DNAH6: variants seen among roughly 807,000 people sequenced by gnomAD.
The protein encoded by DNAH6 is dynein axonemal heavy chain 6, also known as axonemal beta dynein heavy chain 6.
A neutral mutation model predicts 491.4 loss-of-function variants in DNAH6; 340 were observed. The ratio of observed to expected loss-of-function variants is 0.69; its 90% CI spans 0.63 to 0.76. The LOEUF is 0.76. Among genes scored for constraint, DNAH6 ranks in the 30% least tolerant of loss-of-function variants. DNAH6 has a pLI of 0.00. For synonymous variants in DNAH6, 1,603 were observed against 1,686.1 expected, an observed-to-expected ratio of 0.95 and a Z score of 1.21; for missense variants, 4,443 against 4,972.2, an observed-to-expected ratio of 0.89 and a Z score of 3.20.
intron 12 of DNAH6, among the ~76,000 whole-genome samples, chr2:84,576,307 A>G (rs1336872168): frequency 3.9e-5 from 6 of 152,104 alleles, no homozygotes; most frequent in Non-Finnish European, 7.4e-5. Flanking sequence ...AAGGCCACAC[A>G]TGGGTTAAAG....
At chr2:84,818,269 C>T (rs1021421145) in intron 76 of DNAH6, among the ~76,000 whole-genome samples, 1 of 151,954 alleles carries the variant, frequency 6.6e-6, no homozygotes, top group Non-Finnish European at 1.5e-5. Flanking sequence ...AAGAATTATT[C>T]TTGCCATAAA....
chr2:84,718,939 G>T (rs10199591), intron 59 of DNAH6, among the ~76,000 whole-genome samples: 1 of 152,054 alleles, frequency 6.6e-6, no homozygotes, highest in South Asian at 2.1e-4. Flanking sequence ...CAACAAAAAC[G>T]TGTCGATAGT....
chr2:84,657,469 C>T (rs577187818), intron 35 of DNAH6, among the ~76,000 whole-genome samples: 7 of 151,956 alleles, frequency 4.6e-5, no homozygotes, highest in Non-Finnish European at 1.0e-4. Context: ...TGTGGTATTT[C>T]TCTCCATTTA....
intron 42 of DNAH6, 76 bp downstream of exon 42, chr2:84,681,604 T>G: frequency 7.5e-7 from 1 of 1,335,388 alleles, no homozygotes; most frequent in East Asian, 2.7e-5. Flanking sequence ...CTCAGTAACA[T>G]TGTATGTATG....
chr2:84,472,088 C>G, the DNAH6 span, among the ~76,000 whole-genome samples: 1 of 152,056 alleles, frequency 6.6e-6, no homozygotes, highest in Non-Finnish European at 1.5e-5. Flanking sequence ...TCCTTTTGTC[C>G]TGTCAGGTGT....
intron 33 of DNAH6, among the ~76,000 whole-genome samples, chr2:84,652,720 A>G (rs1690569060): frequency 1.3e-5 from 2 of 152,038 alleles, no homozygotes; most frequent in African/African-American, 4.8e-5. Context: ...TGTGTATATA[A>G]TGTGAGGTAA....
chr2:84,704,194 C>T lies in DNAH6; in HGVS notation c.8357C>T (p.Ala2786Val). ...CCTGCACTAGATGCTGCCAATAAAGCACTGGATTCCTTAGATAAGGCAGAT... is the reference window on the plus strand; with the variant it reads ...CCTGCACTAGATGCTGCCAATAAAGTACTGGATTCCTTAGATAAGGCAGAT... Reference protein sequence around the residue: ...ALPALDAANKALDSLDKADIS... With the variant: ...ALPALDAANKVLDSLDKADIS... Residue 2786 changes from alanine (A) to valine (V), a missense_variant, in exon 51 of 77, where the codon GCA (alanine) becomes GTA (valine). This residue lies in a region of DNAH6 where 1,463 missense variants were observed against 1,656.6 expected (regional missense o/e 0.88). Coordinates refer to ENST00000389394, the MANE Select transcript of DNAH6 (RefSeq NM_001370.2). The T allele has an allele frequency of 1.9e-6, 3 of 1,552,008 alleles. No individual in the cohort carries two copies. Among genetic ancestry groups the T allele is most frequent in the Non-Finnish European group, 2.6e-6 (3 of 1,147,046 alleles).
intron 37 of DNAH6, among the ~76,000 whole-genome samples, chr2:84,667,611 G>A (rs555661327): frequency 1.1e-4 from 17 of 152,268 alleles, no homozygotes; most frequent in South Asian, 4.1e-4. Context: ...AAAGGATGTG[G>A]AGAAATAGGA....
chr2:84,746,085 A>G (rs937813113), intron 63 of DNAH6, among the ~76,000 whole-genome samples: 2 of 152,306 alleles, frequency 1.3e-5, no homozygotes, highest in Admixed American at 1.3e-4. Flanking sequence ...AGAAAGGAGT[A>G]ATGTGTGAGA....
chr2:84,775,404 C>T (rs1386913669), intron 64 of DNAH6, among the ~76,000 whole-genome samples: 1 of 152,076 alleles, frequency 6.6e-6, no homozygotes, highest in Non-Finnish European at 1.5e-5. Flanking sequence ...CTGCTGGATT[C>T]ACTTTCCTAG....
chr2:84,784,883 A>G (rs998173645), intron 66 of DNAH6, 73 bp downstream of exon 66: 1 of 1,071,348 alleles, frequency 9.3e-7, no homozygotes, highest in South Asian at 1.4e-5. Flanking sequence ...CTCCCAGGAG[A>G]TCAGAGCCTG....
At chr2:84,474,451 C>T in the DNAH6 span, among the ~76,000 whole-genome samples, 1 of 152,170 alleles carries the variant, frequency 6.6e-6, no homozygotes, top group South Asian at 2.1e-4. Context: ...CTAAAAATGA[C>T]ACCCCAATCC....
intron 63 of DNAH6, among the ~76,000 whole-genome samples, chr2:84,748,551 A>G (rs62162769): frequency 2.0e-5 from 3 of 151,954 alleles, no homozygotes; most frequent in African/African-American, 7.2e-5. Context: ...CCTTATTTCC[A>G]TCTGAGACTT....
the DNAH6 span, among the ~76,000 whole-genome samples, chr2:84,475,546 C>A: frequency 2.0e-5 from 3 of 152,164 alleles, no homozygotes; most frequent in African/African-American, 7.2e-5. Context: ...AAAGCAAGAG[C>A]CTGAGAAACG....
intron 32 of DNAH6, among the ~76,000 whole-genome samples, chr2:84,640,875 G>A (rs1689328723): frequency 6.6e-6 from 1 of 152,164 alleles, no homozygotes; most frequent in Non-Finnish European, 1.5e-5. Context: ...GGTCTTTTGT[G>A]TACAAAAACC....
At chr2:84,629,265 A>G (rs540367669) in intron 29 of DNAH6, among the ~76,000 whole-genome samples, 33 of 152,258 alleles carry the variant, frequency 2.2e-4, no homozygotes, top group African/African-American at 7.0e-4. Context: ...TGCCTGGTTT[A>G]TTTGGCTTGG....
At chr2:84,665,053 G>A (rs899825086) in intron 37 of DNAH6, among the ~76,000 whole-genome samples, 1 of 152,116 alleles carries the variant, frequency 6.6e-6, no homozygotes, top group African/African-American at 2.4e-5. Flanking sequence ...AAACCAATGA[G>A]AACAAAGACA....
At chr2:84,801,598 C>T (rs1039566280) in intron 70 of DNAH6, among the ~76,000 whole-genome samples, 2 of 152,054 alleles carry the variant, frequency 1.3e-5, no homozygotes, top group African/African-American at 4.8e-5. Flanking sequence ...AAAAGAAATT[C>T]CTGGGCCAGG....
At chr2:84,463,050 G>A in the DNAH6 span, among the ~76,000 whole-genome samples, 30 of 152,282 alleles carry the variant, frequency 2.0e-4, no homozygotes, top group African/African-American at 6.3e-4. Flanking sequence ...CCTAACTCAC[G>A]TCAGGATACT....
Sources: gnomAD v4.1 joint callset for allele counts (sites outside exome capture counted in the v4.1 genomes callset) on GRCh38, gnomAD v4.1.1 for gene constraint, gnomAD v4.1.1 regional missense constraint, MANE v1.5 for transcripts, NCBI Gene and HGNC (gene_info 2026-07-23, HGNC 2026-07-21) for gene names.